ACER1: variants seen among roughly 807,000 people sequenced by gnomAD.
ACER1 encodes alkaline ceramidase 1.
ACER1 carries 28 observed loss-of-function variants against 24.9 expected under a neutral mutation model. That is an observed-to-expected ratio of 1.13 (90% confidence interval 0.83 to 1.54). ACER1 has a LOEUF of 1.54. Ranked by LOEUF, ACER1 falls within the 40% of genes most tolerant of loss-of-function variation. The pLI is 0.00. For missense variants in ACER1, 352 were observed against 349.3 expected (o/e 1.01, Z -0.06); for synonymous variants, 132 against 131.4 (o/e 1.00, Z -0.03).
At chr19:6,323,529 C>G (rs1411808135) in intron 1 of ACER1, among the ~76,000 whole-genome samples, 2 of 152,210 alleles carry the variant, frequency 1.3e-5, no homozygotes, top group Non-Finnish European at 2.9e-5. Context: ...TTGCCTTCCA[C>G]CATGATTGTG....
At chr19:6,344,364 C>T in the ACER1 span, among the ~76,000 whole-genome samples, 8 of 151,792 alleles carry the variant, frequency 5.3e-5, no homozygotes, top group South Asian at 2.1e-4. Context: ...AGCGCTTGAA[C>T]CCAGGAGGCA....
the ACER1 span, among the ~76,000 whole-genome samples, chr19:6,345,536 G>A: frequency 6.6e-6 from 1 of 150,862 alleles, no homozygotes; most frequent in East Asian, 1.9e-4. Flanking sequence ...GGTGATGGGA[G>A]ACAGTGACAG....
At chr19:6,321,290 CATG>C (rs1307321390) in intron 1 of ACER1, among the ~76,000 whole-genome samples, 2 of 151,988 alleles carry the variant, frequency 1.3e-5, no homozygotes, top group East Asian at 3.9e-4. Flanking sequence ...AGCCCATCAC[CATG>C]CTTGTCTATT....
At chr19:6,356,288 G>A in the ACER1 span, among the ~76,000 whole-genome samples, 1 of 148,706 alleles carries the variant, frequency 6.7e-6, no homozygotes, top group Non-Finnish European at 1.5e-5. Context: ...CTGGTTAAGA[G>A]TCATCACCAC....
the ACER1 span, among the ~76,000 whole-genome samples, chr19:6,346,492 C>CCTT: frequency 2.6e-5 from 4 of 150,960 alleles, no homozygotes; most frequent in African/African-American, 4.9e-5. Flanking sequence ...TTCTTCTTCT[C>CCTT]CTTCTTCTTC....
the ACER1 span, among the ~76,000 whole-genome samples, chr19:6,341,478 T>C: frequency 6.9e-6 from 1 of 144,754 alleles, no homozygotes; most frequent in African/African-American, 2.6e-5. Flanking sequence ...GAGCTATGTG[T>C]GCACCACTGC....
At chr19:6,356,468 T>TTAA in the ACER1 span, among the ~76,000 whole-genome samples, 8 of 147,296 alleles carry the variant, frequency 5.4e-5, no homozygotes, top group Non-Finnish European at 1.0e-4. Flanking sequence ...GAATGATCAA[T>TTAA]AAAAAAATAA....
At position 6,330,649 on chromosome 19, in the gene ACER1, G is replaced by A. The variant is rs188877922; in HGVS notation, c.93+2810C>T. On this transcript the variant is annotated intron_variant, in intron 1 of 5. Transcript: ENST00000301452. ...TGCAAGGGCTCTCATCTGGGTGCAG[G>A]ATGAAAACAGAACACTGGACCACAG... is the stretch of plus-strand genomic sequence containing the variant. Among the ~76,000 whole-genome samples the A allele has an allele frequency of 5.7e-4, 86 of 149,836 alleles. 12 individuals carry two copies. Among genetic ancestry groups the A allele is most frequent in the African/African-American group, 2.2e-3 (86 of 39,482 alleles).
chr19:6,336,352 G>A (rs752733450), upstream of ACER1, among the ~76,000 whole-genome samples: 24 of 152,140 alleles, frequency 1.6e-4, no homozygotes, highest in Non-Finnish European at 2.9e-5. Flanking sequence ...AAAGCCCAGA[G>A]AAGTTAAGGA....
At chr19:6,310,148 T>C (rs920181301) in intron 3 of ACER1, among the ~76,000 whole-genome samples, 4 of 151,846 alleles carry the variant, frequency 2.6e-5, no homozygotes, top group Middle Eastern at 3.2e-3. Context: ...AGTGCAGCAG[T>C]GCGATCTGGG....
At chr19:6,331,966 ATTTT>A (rs113359211) in intron 1 of ACER1, among the ~76,000 whole-genome samples, 3,030 of 133,708 alleles carry the variant, frequency 0.023, 35 homozygotes, top group Non-Finnish European at 0.034. Flanking sequence ...GTGCATTCCT[ATTTT>A]TTTTTTTTTT....
At chr19:6,343,263 A>G in the ACER1 span, among the ~76,000 whole-genome samples, 1 of 152,216 alleles carries the variant, frequency 6.6e-6, no homozygotes, top group Admixed American at 6.5e-5. Flanking sequence ...AAAAGTTTAC[A>G]TCTCACATAA....
At chr19:6,331,089 T>C (rs185559421) in intron 1 of ACER1, among the ~76,000 whole-genome samples, 2 of 149,486 alleles carry the variant, frequency 1.3e-5, no homozygotes, top group South Asian at 2.1e-4. Flanking sequence ...CCCATGTCAC[T>C]GTGCAGATTA....
upstream of ACER1, among the ~76,000 whole-genome samples, chr19:6,336,851 A>T (rs1431337350): frequency 1.3e-5 from 2 of 149,014 alleles, no homozygotes; most frequent in South Asian, 4.3e-4. Context: ...AAAGAAAGAT[A>T]AATTGTGGTG....
At chr19:6,344,528 C>G in the ACER1 span, among the ~76,000 whole-genome samples, 1 of 151,526 alleles carries the variant, frequency 6.6e-6, no homozygotes, top group Non-Finnish European at 1.5e-5. Context: ...CCTAGTAGCT[C>G]GGACTACAGG....
intron 1 of ACER1, among the ~76,000 whole-genome samples, chr19:6,315,078 G>A (rs1046888444): frequency 2.1e-4 from 32 of 151,876 alleles, no homozygotes; most frequent in African/African-American, 5.8e-4. Flanking sequence ...TGTAGTTTTA[G>A]TAGAGACGGG....
chr19:6,355,435 C>T, the ACER1 span, among the ~76,000 whole-genome samples: 22 of 144,472 alleles, frequency 1.5e-4, no homozygotes, highest in African/African-American at 5.5e-4. Flanking sequence ...TCTGCCCAGC[C>T]GCCCCGTCTG....
intron 1 of ACER1, among the ~76,000 whole-genome samples, chr19:6,318,322 AG>A (rs1438319655): frequency 6.6e-6 from 1 of 151,910 alleles, no homozygotes; most frequent in Non-Finnish European, 1.5e-5. Context: ...ATACAAAATT[AG>A]CCAGGTGCGG....
the ACER1 span, among the ~76,000 whole-genome samples, chr19:6,351,884 A>G: frequency 6.6e-6 from 1 of 151,942 alleles, no homozygotes; most frequent in Non-Finnish European, 1.5e-5. Context: ...GTGAAACCCC[A>G]TCTGTACTAA....
Sources: gnomAD v4.1 joint callset for allele counts (sites outside exome capture counted in the v4.1 genomes callset) on GRCh38, gnomAD v4.1.1 for gene constraint, MANE v1.5 for transcripts, NCBI Gene and HGNC (gene_info 2026-07-23, HGNC 2026-07-21) for gene names.